The following ITPR2 variants were observed in gnomAD, a reference collection of about 807,000 sequenced individuals.
ITPR2 encodes the protein inositol 1,4,5-trisphosphate receptor type 2.
Under a neutral mutation model 317.1 loss-of-function variants are expected in ITPR2, and 207 were observed. The observed-to-expected ratio is 0.65, with a 90% confidence interval of 0.58 to 0.73. The LOEUF is 0.73. ITPR2 is among the 30% of genes least tolerant of loss of function. The pLI, the probability that ITPR2 is intolerant of heterozygous loss-of-function variation, is 0.00. For synonymous variants in ITPR2, 1,156 were observed against 1,149.1 expected (o/e 1.01, Z -0.12); for missense variants, 2,613 against 3,284.0 (o/e 0.80, Z 4.99).
chr12:26,724,184 A>C (rs1358218391), intron 4 of ITPR2, among the ~76,000 whole-genome samples: 2 of 152,170 alleles, frequency 1.3e-5, no homozygotes, highest in Non-Finnish European at 1.5e-5. Flanking sequence ...GATCTAAGTG[A>C]AACACAGGAA....
intron 49 of ITPR2, among the ~76,000 whole-genome samples, chr12:26,424,770 T>G (rs1174084193): frequency 2.0e-5 from 3 of 151,674 alleles, no homozygotes; most frequent in African/African-American, 7.3e-5. Context: ...TTGTTTTGTT[T>G]TGTTTTTGAA....
At position 26,589,851 on chromosome 12, in the gene ITPR2, TATACACACACACACACAC is replaced by T. The variant is rs1945652638; in HGVS notation, c.4380+5596_4380+5613del. 3.4e-4 allele frequency among the ~76,000 whole-genome samples: 17 copies of T among 49,302 alleles called. 1 individual carries two copies. The highest frequency in any genetic ancestry group is 1.1e-3 in the African/African-American group (15 of 14,230). The allele number at this position is 49,302 out of a possible 152,430, so 32.3% of individuals were successfully genotyped here. A position where few individuals can be genotyped will look rare whatever the true frequency, so the allele number is the denominator to read the frequency against. On this transcript the variant is annotated intron_variant, in intron 32 of 56. Transcript: ENST00000381340. ...AAATAAACATATATATATATATATA[TATACACACACACACACAC>T]ACACACACACACACACATATACATT...
At chr12:26,815,969 T>C (rs1950845053) in intron 1 of ITPR2, among the ~76,000 whole-genome samples, 1 of 151,784 alleles carries the variant, frequency 6.6e-6, no homozygotes, top group Non-Finnish European at 1.5e-5. Context: ...GGCACACGCC[T>C]GTAGTCCCAG....
rs1254629109 is a variant in ITPR2, at chr12:26,656,454, G to T, written c.2287C>A (p.Arg763=). The change falls in exon 19 of 57, where the codon CGG becomes AGG. Residue 763 remains arginine, a synonymous_variant. Transcript: ENST00000381340. ...GGCAGGCTCTCATCCGACACACACC[G>T]CAGGATCAGGTCTACAGACAGCTGT... ...STQLSVDLIL[R]CVSDESLPFD... 6.2e-7 allele frequency: 1 copy of T among 1,614,196 alleles called. No individual in the cohort carries two copies. The highest frequency in any genetic ancestry group is 8.5e-7 in the Non-Finnish European group (1 of 1,180,042).
At chr12:26,420,921 T>C (rs545453057) in intron 49 of ITPR2, among the ~76,000 whole-genome samples, 19 of 152,252 alleles carry the variant, frequency 1.2e-4, no homozygotes, top group African/African-American at 4.6e-4. Context: ...ATGTGTACTA[T>C]TTACCTTGAT....
chr12:26,398,106 C>CAG (rs376868619), intron 54 of ITPR2, among the ~76,000 whole-genome samples: 1 of 119,128 alleles, frequency 8.4e-6, no homozygotes, highest in African/African-American at 3.2e-5. Flanking sequence ...GTAAGAGAGA[C>CAG]AGAGAGAGAG....
At chr12:26,525,514 C>T (rs1250321487) in intron 37 of ITPR2, among the ~76,000 whole-genome samples, 2 of 152,178 alleles carry the variant, frequency 1.3e-5, no homozygotes, top group Non-Finnish European at 2.9e-5. Context: ...TCCTCAGTAA[C>T]ATCAAGTTGA....
At chr12:26,763,017 TAGAC>T (rs1228231250) in intron 2 of ITPR2, among the ~76,000 whole-genome samples, 3 of 152,114 alleles carry the variant, frequency 2.0e-5, no homozygotes, top group African/African-American at 4.8e-5. Flanking sequence ...AAGTTTCAGT[TAGAC>T]AGGATGAATA....
At chr12:26,505,343 C>G (rs1943160430) in intron 37 of ITPR2, among the ~76,000 whole-genome samples, 1 of 152,180 alleles carries the variant, frequency 6.6e-6, no homozygotes, top group South Asian at 2.1e-4. Context: ...GTCTTCTGAA[C>G]AATCCACATC....
At chr12:26,782,034 G>GAGAGAGA (rs1950101787) in intron 2 of ITPR2, among the ~76,000 whole-genome samples, 1 of 45,412 alleles carries the variant, frequency 2.2e-5, no homozygotes, top group African/African-American at 8.5e-5. Flanking sequence ...ATATATATAT[G>GAGAGAGA]TATAGAGAGA....
chr12:26,723,052 C>T (rs181695788), intron 4 of ITPR2, among the ~76,000 whole-genome samples: 2 of 152,302 alleles, frequency 1.3e-5, no homozygotes, highest in Admixed American at 1.3e-4. Flanking sequence ...TAGGCTTCTA[C>T]ACCTTCTGCC....
At chr12:26,719,163 C>T (rs1358190188) in intron 5 of ITPR2, among the ~76,000 whole-genome samples, 1 of 152,030 alleles carries the variant, frequency 6.6e-6, no homozygotes, top group African/African-American at 2.4e-5. Context: ...AGGGAGAAAA[C>T]AAAAAGGTCT....
chr12:26,810,711 C>T (rs924181820), intron 1 of ITPR2, among the ~76,000 whole-genome samples: 2 of 152,222 alleles, frequency 1.3e-5, no homozygotes, highest in Non-Finnish European at 2.9e-5. Context: ...ACATTCCTTT[C>T]ATGTATGGAC....
At chr12:26,561,460 T>A (rs1431662825) in intron 35 of ITPR2, among the ~76,000 whole-genome samples, 1 of 152,170 alleles carries the variant, frequency 6.6e-6, no homozygotes, top group Non-Finnish European at 1.5e-5. Flanking sequence ...GAAGCAAGAT[T>A]ATGAATATTT....
At chr12:26,558,737 C>T (rs1944732476) in intron 35 of ITPR2, among the ~76,000 whole-genome samples, 1 of 152,178 alleles carries the variant, frequency 6.6e-6, no homozygotes, top group African/African-American at 2.4e-5. Context: ...GTTTTAATAA[C>T]ATCTGTATGT....
chr12:26,778,464 C>T (rs1172715881), intron 2 of ITPR2, among the ~76,000 whole-genome samples: 1 of 152,198 alleles, frequency 6.6e-6, no homozygotes, highest in African/African-American at 2.4e-5. Context: ...TTCACTTCTT[C>T]AGCAAATTAA....
chr12:26,488,384 C>A (rs1942721092), intron 39 of ITPR2, among the ~76,000 whole-genome samples: 3 of 152,152 alleles, frequency 2.0e-5, no homozygotes, highest in Admixed American at 2.0e-4. Context: ...GATATGCTTT[C>A]CTTTAGGAAT....
Position 26,475,813 on chromosome 12 carries a change from G to A in ITPR2, c.6220-395C>T, listed in dbSNP as rs142222602. Among the ~76,000 whole-genome samples, 3 of 152,292 alleles carry A rather than the reference G, an allele frequency of 2.0e-5. No individual in the cohort carries two copies. In the East Asian group the frequency reaches 5.8e-4, roughly 29 times the overall value. ...CCTCATGGAACTTACTCTCCAGTGG[G>A]AGAGTCAGCAAGCAAGGAGGCAAAC... On this transcript the variant is annotated intron_variant, in intron 44 of 56. Transcript: ENST00000381340.
chr12:26,594,529 A>T (rs909857801), intron 32 of ITPR2, among the ~76,000 whole-genome samples: 1 of 152,154 alleles, frequency 6.6e-6, no homozygotes, highest in East Asian at 1.9e-4. Context: ...CTCCAAATAC[A>T]TCTATATAAG....
Sources: gnomAD v4.1 joint callset for allele counts (sites outside exome capture counted in the v4.1 genomes callset) on GRCh38, gnomAD v4.1.1 for gene constraint, MANE v1.5 for transcripts, NCBI Gene and HGNC (gene_info 2026-07-23, HGNC 2026-07-21) for gene names.